The following ANO2 variants were observed in gnomAD, a reference collection of about 807,000 sequenced individuals.
The protein encoded by ANO2 is anoctamin-2.
A neutral mutation model predicts 124.2 loss-of-function variants in ANO2; 101 were observed. The ratio of observed to expected loss-of-function variants is 0.81; its 90% CI spans 0.69 to 0.96. The LOEUF (loss-of-function observed/expected upper bound fraction) is 0.96, where lower values mean the gene tolerates loss of function less well. Among genes scored for constraint, ANO2 ranks in the 40% least tolerant of loss-of-function variants. The pLI is 0.00. For missense variants in ANO2, 1,293 were observed against 1,274.5 expected (o/e 1.01, Z -0.22); for synonymous variants, 486 against 482.5 (o/e 1.01, Z -0.09).
intron 1 of ANO2, among the ~76,000 whole-genome samples, chr12:5,926,695 T>C (rs916200179): frequency 3.9e-5 from 6 of 152,194 alleles, no homozygotes; most frequent in Admixed American, 3.3e-4. Flanking sequence ...GGTGTAAGAC[T>C]GGAATATTCA....
At position 5,888,780 on chromosome 12, in the gene ANO2, G is replaced by A. The variant is rs570112942; in HGVS notation, c.534+32260C>T. 5.2e-3 allele frequency among the ~76,000 whole-genome samples: 792 copies of A among 152,256 alleles called. 6 individuals carry two copies. Among genetic ancestry groups the A allele is most frequent in the African/African-American group, 0.019 (769 of 41,508 alleles). ...TTGGTGTATTTACAATCCCTTAGCT[G>A]GACATAAAGGTTCTCCAAGTCCCCA... On this transcript the variant is annotated intron_variant, in intron 3 of 24. Coordinates refer to ENST00000682330, the MANE Select transcript of ANO2 (RefSeq NM_001364791.2).
At chr12:5,754,994 AAATT>A (rs1395948697) in intron 10 of ANO2, among the ~76,000 whole-genome samples, 1 of 151,804 alleles carries the variant, frequency 6.6e-6, no homozygotes, top group African/African-American at 2.4e-5. Context: ...TTGAGATGTA[AAATT>A]AATTATTTGA....
intron 13 of ANO2, among the ~76,000 whole-genome samples, chr12:5,737,043 T>C (rs1950897917): frequency 6.6e-6 from 1 of 152,200 alleles, no homozygotes; most frequent in Non-Finnish European, 1.5e-5. Flanking sequence ...ACACTACACC[T>C]GAGATAATTC....
intron 3 of ANO2, among the ~76,000 whole-genome samples, chr12:5,886,960 G>A (rs929314686): frequency 2.6e-5 from 4 of 152,162 alleles, no homozygotes; most frequent in Non-Finnish European, 4.4e-5. Context: ...AGTGTGTGAC[G>A]GGTACAGAGT....
chr12:5,671,402 T>C (rs1947994794), intron 14 of ANO2, among the ~76,000 whole-genome samples: 1 of 151,724 alleles, frequency 6.6e-6, no homozygotes, highest in South Asian at 2.1e-4. Flanking sequence ...AAAAAGCTCA[T>C]TGCAACAGTC....
intron 23 of ANO2, among the ~76,000 whole-genome samples, chr12:5,568,507 C>G (rs1019748080): frequency 6.6e-6 from 1 of 152,150 alleles, no homozygotes; most frequent in Non-Finnish European, 1.5e-5. Flanking sequence ...TAAGCCCCTA[C>G]CACCAGGTAA....
At chr12:5,591,252 C>T (rs1943381439) in intron 20 of ANO2, among the ~76,000 whole-genome samples, 1 of 152,134 alleles carries the variant, frequency 6.6e-6, no homozygotes, top group Non-Finnish European at 1.5e-5. Flanking sequence ...GCCCAGTATC[C>T]CAATGTAGTA....
At chr12:5,647,491 G>C (rs1946700579) in intron 15 of ANO2, among the ~76,000 whole-genome samples, 1 of 152,108 alleles carries the variant, frequency 6.6e-6, no homozygotes, top group Non-Finnish European at 1.5e-5. Flanking sequence ...CCAAGTTTTT[G>C]GTCTGTCTCC....
intron 14 of ANO2, among the ~76,000 whole-genome samples, chr12:5,660,166 C>T (rs1947367196): frequency 6.6e-6 from 1 of 152,128 alleles, no homozygotes; most frequent in East Asian, 1.9e-4. Flanking sequence ...ATATTTCTGA[C>T]TTATGACAGG....
intron 19 of ANO2, among the ~76,000 whole-genome samples, chr12:5,608,441 A>G (rs1944323812): frequency 6.6e-6 from 1 of 152,016 alleles, no homozygotes; most frequent in Non-Finnish European, 1.5e-5. Context: ...ATCCTCTGGC[A>G]GAGTAGAAAT....
At position 5,945,184 on chromosome 12, in the gene ANO2, C is replaced by T. The variant is rs1264318957; in HGVS notation, c.22+12G>A. ...GTAGGAGACCAGGACCAGGTCCAGCCGGAAAACTCACCGCGCGGCCCGGGA... is the reference window on the plus strand; with the variant it reads ...GTAGGAGACCAGGACCAGGTCCAGCTGGAAAACTCACCGCGCGGCCCGGGA... On this transcript the variant is annotated intron_variant, in intron 1 of 24. Transcript: ENST00000682330. 1.6e-6 allele frequency: 2 copies of T among 1,288,672 alleles called. No homozygotes were observed. The highest frequency in any genetic ancestry group is 2.0e-6 in the Non-Finnish European group (2 of 988,198). The allele number at this position is 1,288,672 out of a possible 1,614,324, so 79.8% of individuals were successfully genotyped here.
chr12:5,718,557 CAT>C (rs1221961144), intron 14 of ANO2, among the ~76,000 whole-genome samples: 1 of 152,206 alleles, frequency 6.6e-6, no homozygotes, highest in Non-Finnish European at 1.5e-5. Context: ...GAGGAAAGCA[CAT>C]GTTTATGCGA....
chr12:5,872,889 C>T (rs1486910954), intron 3 of ANO2, among the ~76,000 whole-genome samples: 1 of 152,108 alleles, frequency 6.6e-6, no homozygotes, highest in African/African-American at 2.4e-5. Context: ...AAAAATAACA[C>T]CTTTCATGGG....
At chr12:5,770,118 C>T (rs1952030027) in intron 10 of ANO2, among the ~76,000 whole-genome samples, 1 of 152,228 alleles carries the variant, frequency 6.6e-6, no homozygotes, top group South Asian at 2.1e-4. Context: ...AAAGCCCCTG[C>T]TCTTAACTAC....
intron 10 of ANO2, 25 bp downstream of exon 10, chr12:5,799,482 C>T (rs2137162776): frequency 6.2e-7 from 1 of 1,603,350 alleles, no homozygotes; most frequent in East Asian, 2.2e-5. Flanking sequence ...CAGGATACTT[C>T]CAAAAGTTCC....
chr12:5,928,094 G>A (rs140078358), intron 1 of ANO2, among the ~76,000 whole-genome samples: 76 of 152,302 alleles, frequency 5.0e-4, no homozygotes, highest in African/African-American at 1.7e-3. Flanking sequence ...AGGGGGCAAG[G>A]TGAGTCAGCA....
At chr12:5,921,587 G>C (rs115612152) in intron 2 of ANO2, among the ~76,000 whole-genome samples, 2 of 152,046 alleles carry the variant, frequency 1.3e-5, no homozygotes, top group Non-Finnish European at 2.9e-5. Flanking sequence ...TCTGGGCATC[G>C]GTGCCTTCAC....
intron 14 of ANO2, among the ~76,000 whole-genome samples, chr12:5,693,919 T>G (rs1349457206): frequency 6.6e-6 from 1 of 152,206 alleles, no homozygotes; most frequent in East Asian, 1.9e-4. Flanking sequence ...CACTTTCTAC[T>G]GCTTCACTCT....
intron 14 of ANO2, among the ~76,000 whole-genome samples, chr12:5,665,111 C>T (rs557504731): frequency 1.1e-3 from 160 of 152,292 alleles, no homozygotes; most frequent in African/African-American, 3.7e-3. Flanking sequence ...TTCCACATGC[C>T]CTTCAGCTCC....
Sources: allele counts gnomAD v4.1 joint callset (sites outside exome capture counted in the v4.1 genomes callset), GRCh38; gene constraint gnomAD v4.1.1; transcripts MANE v1.5; gene names NCBI Gene and HGNC (gene_info 2026-07-23, HGNC 2026-07-21).